BAIAP3: variants seen among roughly 807,000 people sequenced by gnomAD.
BAIAP3 encodes the protein BAI1 associated protein 3.
Under a neutral mutation model 149.7 loss-of-function variants are expected in BAIAP3, and 180 were observed. The ratio of observed to expected loss-of-function variants is 1.20; its 90% confidence interval spans 1.07 to 1.36. The LOEUF is 1.36. BAIAP3 is among the 40% of genes most tolerant of loss of function. The probability of loss-of-function intolerance (pLI) is 0.00; values close to 1 mark genes in which losing one functional copy is unlikely to be tolerated. For missense variants in BAIAP3, 1,767 were observed against 1,563.4 expected (o/e 1.13, Z -2.20); for synonymous variants, 845 against 670.7 (o/e 1.26, Z -4.02).
At chr16:1,339,962 A>G (rs1431365193) in intron 5 of BAIAP3, among the ~76,000 whole-genome samples, 1 of 144,180 alleles carries the variant, frequency 6.9e-6, no homozygotes, top group African/African-American at 2.7e-5. Flanking sequence ...GTGCACACAG[A>G]CGCACGCACA....
At chr16:1,338,746 C>A in intron 2 of BAIAP3, 66 bp downstream of exon 2, 2 of 1,558,640 alleles carry the variant, frequency 1.3e-6, no homozygotes, top group Non-Finnish European at 1.7e-6. Context: ...TCACACATGG[C>A]CGCCCCTGCC....
chr16:1,343,390 C>A lies in BAIAP3; in HGVS notation c.1266-3C>A. The A allele has an allele frequency of 6.4e-7, 1 of 1,568,650 alleles. No individual in the cohort carries two copies. The highest frequency in any genetic ancestry group is 8.6e-7 in the Non-Finnish European group (1 of 1,158,964). On this transcript the variant is annotated splice_region_variant and splice_polypyrimidine_tract_variant and intron_variant, in intron 14 of 33. Transcript: ENST00000426824. Reference sequence around the variant, plus strand: ...CCCTTTGACCATGGGCCGGGCCCCACAGGCACTGGCAGGTCAGCAGCCGCC... The same window carrying A: ...CCCTTTGACCATGGGCCGGGCCCCAAAGGCACTGGCAGGTCAGCAGCCGCC...
chr16:1,336,797 C>G (rs898314574), intron 1 of BAIAP3, among the ~76,000 whole-genome samples: 4 of 152,216 alleles, frequency 2.6e-5, no homozygotes, highest in Admixed American at 2.6e-4. Context: ...TCTTCGTTTC[C>G]TCTCCTGTCC....
chr16:1,340,847 C>T (rs2033878192), intron 5 of BAIAP3, 75 bp from the exon 6 acceptor site: 1 of 1,470,584 alleles, frequency 6.8e-7, no homozygotes, highest in Non-Finnish European at 9.3e-7. Flanking sequence ...ACGGGCTGAG[C>T]CCGAGGTCCC....
rs372874239 is a variant in BAIAP3 at position 1,339,528 on chromosome 16, G to C, written c.333G>C (p.Thr111=). 8.7e-5 allele frequency: 141 copies of C among 1,612,242 alleles called. No homozygotes were observed. Among genetic ancestry groups the C allele is most frequent in the Non-Finnish European group, 1.1e-4 (135 of 1,179,568 alleles). Residue 111 remains threonine, a synonymous_variant, in exon 5 of 34, where the codon ACG becomes ACC. Transcript: ENST00000426824. The part of the protein sequence containing the change: ...VEMLYEEALY[T]VLYRAGTMGP... ...TGCTCTACGAGGAGGCCCTGTACACGGTGCTTTACCGCGCGGGTACCATGG... is the reference window on the plus strand; with the variant it reads ...TGCTCTACGAGGAGGCCCTGTACACCGTGCTTTACCGCGCGGGTACCATGG...
chr16:1,346,542 T>C (rs2141612100), intron 26 of BAIAP3, 32 bp downstream of exon 26: 2 of 1,593,088 alleles, frequency 1.3e-6, no homozygotes, highest in Non-Finnish European at 1.7e-6. Flanking sequence ...CGTGGAGGAC[T>C]GTGTGTACTG....
At chr16:1,334,649 G>A (rs747688834) in intron 1 of BAIAP3, 3 of 1,546,258 alleles carry the variant, frequency 1.9e-6, no homozygotes, top group East Asian at 2.5e-5. Context: ...CAGATTCCCG[G>A]GGTTCGACTG....
In BAIAP3 at chr16:1,343,400, C is replaced by T; in HGVS notation, c.1273C>T (p.Gln425Ter). ...ATGGGCCGGGCCCCACAGGCACTGGCAGGTCAGCAGCCGCCACCATCAAAC... is the reference window on the plus strand; with the variant it reads ...ATGGGCCGGGCCCCACAGGCACTGGTAGGTCAGCAGCCGCCACCATCAAAC... ...SPLQLAVLHW[Q>*]VSSRHHQTCT... Residue 425 changes from glutamine to a stop codon, truncating the protein, a stop_gained, in exon 15 of 34, where the codon CAG becomes TAG. Coordinates refer to ENST00000426824, the MANE Select transcript of BAIAP3 (RefSeq NM_001199097.2). LOFTEE classifies it high-confidence loss of function. 1 of 1,570,640 alleles carries T rather than the reference C, an allele frequency of 6.4e-7. No homozygotes were observed. Among genetic ancestry groups the T allele is most frequent in the Non-Finnish European group, 8.6e-7 (1 of 1,159,928 alleles).
In BAIAP3 at chr16:1,342,944, G is replaced by C; in HGVS notation, c.1193G>C (p.Ser398Thr). The C allele has an allele frequency of 6.2e-7, 1 of 1,612,174 alleles. No homozygotes were observed. The highest frequency in any genetic ancestry group is 8.5e-7 in the Non-Finnish European group (1 of 1,179,992). The part of the protein sequence containing the change: ...PNSSSWRGEL[S>T]TPAATILCLH... ...TCCAGCAGCTGGCGAGGAGAGCTCAGCACACCAGCCGCCACCATCCTCTGC... is the reference window on the plus strand; with the variant it reads ...TCCAGCAGCTGGCGAGGAGAGCTCACCACACCAGCCGCCACCATCCTCTGC... Residue 398 changes from serine (S) to threonine (T), a missense_variant, in exon 14 of 34, where the codon AGC (serine) becomes ACC (threonine). By Grantham distance (58) the Ser-to-Thr change is moderately conservative. Transcript: ENST00000426824.
chr16:1,341,141 G>A lies in BAIAP3; in HGVS notation c.481G>A (p.Ala161Thr), dbSNP rs766518263. ...CCTCTGTCCACAGGCCCCCACGTATGCCCTGAAAGTCTCTGTCATGCGTGC... is the reference window on the plus strand; with the variant it reads ...CCTCTGTCCACAGGCCCCCACGTATACCCTGAAAGTCTCTGTCATGCGTGC... ...RVRKAKAPTY[A>T]LKVSVMRAKN... Residue 161 changes from alanine (A) to threonine (T), a missense_variant, in exon 7 of 34, where the codon GCC becomes ACC. Coordinates refer to ENST00000426824, the MANE Select transcript of BAIAP3 (RefSeq NM_001199097.2). 8 of 1,612,686 alleles carry A rather than the reference G, an allele frequency of 5.0e-6. No individual in the cohort carries two copies. Among genetic ancestry groups the A allele is most frequent in the Non-Finnish European group, 6.8e-6 (8 of 1,179,792 alleles).
chr16:1,339,167 C>A lies in BAIAP3; in HGVS notation c.223C>A (p.Pro75Thr). 1 of 1,567,480 alleles carries A rather than the reference C, an allele frequency of 6.4e-7. No homozygotes were observed. The highest frequency in any genetic ancestry group is 8.6e-7 in the Non-Finnish European group (1 of 1,157,620). Residue 75 changes from proline (P) to threonine (T), a missense_variant, in exon 4 of 34, where the codon CCC becomes ACC. Physicochemically the swap from Pro to Thr is conservative, Grantham distance 38. Coordinates refer to ENST00000426824, the MANE Select transcript of BAIAP3 (RefSeq NM_001199097.2). ...GRQGLPCLEVPLRSGSPAPPE... is the reference protein window; with the variant it reads ...GRQGLPCLEVTLRSGSPAPPE... ...TCACCCTGGGCCCCACACACAGGTC[C>A]CCCTGCGCAGTGGCTCGCCAGCACC...
chr16:1,346,172 C>A lies in BAIAP3; in HGVS notation c.2304C>A (p.Leu768=), dbSNP rs745737190. Residue 768 remains leucine (L), a splice_region_variant and synonymous_variant, in exon 25 of 34, where the codon CTC becomes CTA. Coordinates refer to ENST00000426824, the MANE Select transcript of BAIAP3 (RefSeq NM_001199097.2). ...GAAGEAVSEA[L]CVVLNNVELV... is the part of the protein sequence containing the mutation. ...TTGCCTGGCCACACCTCCTCCAGCT[C>A]TGCGTGGTCCTCAACAATGTGGAGC... The A allele has an allele frequency of 6.2e-7, 1 of 1,611,022 alleles. No homozygotes were observed. Among genetic ancestry groups the A allele is most frequent in the African/African-American group, 1.3e-5 (1 of 75,058 alleles).
intron 10 of BAIAP3, 39 bp downstream of exon 10, chr16:1,342,102 C>T (rs544053190): frequency 6.4e-7 from 1 of 1,573,408 alleles, no homozygotes; most frequent in South Asian, 1.2e-5. Context: ...CACCCGTGCC[C>T]TCAGCTTGGT....
intron 1 of BAIAP3, among the ~76,000 whole-genome samples, chr16:1,334,269 C>G (rs544188398): frequency 1.3e-5 from 2 of 151,984 alleles, no homozygotes; most frequent in African/African-American, 2.4e-5. Context: ...TTCAGCCCCA[C>G]TCGGCAAAGG....
chr16:1,346,204 G>T lies in BAIAP3; in HGVS notation c.2336G>T (p.Arg779Leu), dbSNP rs765382046. The stretch of plus-strand genomic sequence containing the variant: ...GTCCTCAACAATGTGGAGCTCGTGC[G>T]CAAGGCTGCTGGGCAGGCCTTGAAG... ...CVVLNNVELV[R>L]KAAGQALKGL... The change falls in exon 25 of 34, where the codon CGC becomes CTC. Residue 779 changes from arginine to leucine, a missense_variant. Transcript: ENST00000426824. 1 of 1,612,114 alleles carries T rather than the reference G, an allele frequency of 6.2e-7. No homozygotes were observed. The highest frequency in any genetic ancestry group is 1.1e-5 in the South Asian group (1 of 91,056).
Position 1,349,176 on chromosome 16 carries a change from C to G in BAIAP3, c.*694C>G. On this transcript the variant is annotated 3_prime_UTR_variant, in exon 34 of 34. Coordinates refer to ENST00000426824, the MANE Select transcript of BAIAP3 (RefSeq NM_001199097.2). ...AGACCTGCTCCACGACCCTTCCAGG[C>G]AGAGCCGAGAGTTCGCCCCAACCCT... 1.9e-6 allele frequency: 1 copy of G among 527,398 alleles called. No homozygotes were observed. The highest frequency in any genetic ancestry group is 2.0e-5 in the South Asian group (1 of 49,628). The allele number at this position is 527,398 out of a possible 1,614,324, so 32.7% of individuals were successfully genotyped here.
At position 1,339,264 on chromosome 16, in the gene BAIAP3, C is replaced by G. The variant is rs772341229; in HGVS notation, c.300+20C>G. 4 of 1,554,266 alleles carry G rather than the reference C, an allele frequency of 2.6e-6. No individual in the cohort carries two copies. Among genetic ancestry groups the G allele is most frequent in the Middle Eastern group, 3.9e-4 (2 of 5,130 alleles). On this transcript the variant is annotated intron_variant, in intron 4 of 33. Coordinates refer to ENST00000426824, the MANE Select transcript of BAIAP3 (RefSeq NM_001199097.2). The stretch of plus-strand genomic sequence containing the variant: ...GAGGAGGTAAAGGTGGGGGTCGGAA[C>G]CAGGGGCAGTCGTCTGCAGCGGCTG...
intron 1 of BAIAP3, among the ~76,000 whole-genome samples, chr16:1,336,770 G>A (rs1005495026): frequency 1.3e-5 from 2 of 152,222 alleles, no homozygotes; most frequent in African/African-American, 4.8e-5. Context: ...GCCTGAGTGG[G>A]CGGTAGAACC....
chr16:1,342,138 C>T (rs1184645838), intron 10 of BAIAP3, 43 bp from the exon 11 acceptor site: 2 of 1,574,614 alleles, frequency 1.3e-6, no homozygotes, highest in East Asian at 2.3e-5. Context: ...GCAGTGGCTC[C>T]CCAGGAGCCA....
Sources: allele counts gnomAD v4.1 joint callset (sites outside exome capture counted in the v4.1 genomes callset), GRCh38; gene constraint gnomAD v4.1.1; transcripts MANE v1.5; gene names NCBI Gene and HGNC (gene_info 2026-07-23, HGNC 2026-07-21).